Variants in CNTN5 observed in about 807,000 individuals in gnomAD.
The protein encoded by CNTN5 is contactin-5.
CNTN5 carries 77 observed loss-of-function variants against 129.1 expected under a neutral mutation model. The ratio of observed to expected loss-of-function variants is 0.60; its 90% confidence interval spans 0.50 to 0.72. The LOEUF (loss-of-function observed/expected upper bound fraction) is 0.72. Ranked by LOEUF, CNTN5 falls within the 30% of genes least tolerant of loss-of-function variation. The pLI, the probability that CNTN5 is intolerant of heterozygous loss-of-function variation, is 0.00. For missense variants in CNTN5, 1,478 were observed against 1,328.8 expected (o/e 1.11, Z -1.75); for synonymous variants, 509 against 465.6 (o/e 1.09, Z -1.20).
chr11:100,251,595 T>C (rs1949964537), intron 16 of CNTN5, among the ~76,000 whole-genome samples: 1 of 152,038 alleles, frequency 6.6e-6, no homozygotes, highest in African/African-American at 2.4e-5. Flanking sequence ...CTTCCCAGCT[T>C]CTAATGTCCT....
chr11:99,488,606 G>T (rs924816901), intron 2 of CNTN5, among the ~76,000 whole-genome samples: 2 of 152,134 alleles, frequency 1.3e-5, no homozygotes, highest in Non-Finnish European at 2.9e-5. Flanking sequence ...AAAGTTGGGT[G>T]TATCATCACT....
chr11:99,652,508 C>T (rs551289874), intron 3 of CNTN5, among the ~76,000 whole-genome samples: 11 of 151,956 alleles, frequency 7.2e-5, no homozygotes, highest in East Asian at 1.9e-4. Context: ...AGCGGTATTA[C>T]GAAGTACATC....
chr11:99,821,930 G>A (rs904881246), intron 4 of CNTN5, among the ~76,000 whole-genome samples: 1 of 152,158 alleles, frequency 6.6e-6, no homozygotes, highest in Admixed American at 6.6e-5. Context: ...TGGATAATCT[G>A]AGTATTTTCC....
chr11:99,066,751 C>T (rs1865120354), intron 1 of CNTN5, among the ~76,000 whole-genome samples: 1 of 152,152 alleles, frequency 6.6e-6, no homozygotes, highest in South Asian at 2.1e-4. Flanking sequence ...AAATCCAGCA[C>T]TGCATTTATG....
chr11:99,342,402 A>AT (rs1361755565), intron 2 of CNTN5, among the ~76,000 whole-genome samples: 2 of 151,678 alleles, frequency 1.3e-5, no homozygotes, highest in Middle Eastern at 3.4e-3. Flanking sequence ...AAAATTATTT[A>AT]TTTTTTTATA....
chr11:99,819,361 A>G, intron 3 of CNTN5, among the ~76,000 whole-genome samples, 183 bp from the exon 4 acceptor site: 2 of 16,302 alleles, frequency 1.2e-4, no homozygotes, highest in Non-Finnish European at 2.5e-4. Context: ...TATAGCTAGT[A>G]GAATTTTCAG....
At chr11:99,915,837 A>C (rs576925667) in intron 6 of CNTN5, among the ~76,000 whole-genome samples, 3 of 152,320 alleles carry the variant, frequency 2.0e-5, no homozygotes, top group Non-Finnish European at 4.4e-5. Context: ...GTAAATAAAA[A>C]TAAAGAGTGT....
Position 99,694,321 on chromosome 11 carries a change from C to T in CNTN5, c.56-125223C>T, listed in dbSNP as rs535131933. 2.2e-4 allele frequency among the ~76,000 whole-genome samples: 33 copies of T among 152,146 alleles called. No homozygotes were observed. In the South Asian group the frequency reaches 6.4e-3, roughly 30 times the overall value. ...GCCAAAATTATTTATTTAATGTTAT[C>T]TATGGCTGTTCCCACATTTCATTGT... is the stretch of plus-strand genomic sequence containing the variant. On this transcript the variant is annotated intron_variant, in intron 3 of 24. Coordinates refer to ENST00000524871, the MANE Select transcript of CNTN5 (RefSeq NM_014361.4).
chr11:99,784,143 C>G (rs890463661), intron 3 of CNTN5, among the ~76,000 whole-genome samples: 2 of 151,948 alleles, frequency 1.3e-5, no homozygotes, highest in Non-Finnish European at 2.9e-5. Flanking sequence ...AGGTTCAGAA[C>G]TTTTTACTAT....
intron 2 of CNTN5, among the ~76,000 whole-genome samples, chr11:99,375,010 A>G (rs1313246318): frequency 6.6e-6 from 1 of 152,142 alleles, no homozygotes; most frequent in African/African-American, 2.4e-5. Context: ...TCTGAAGAAA[A>G]TGGAGAGCTA....
At chr11:100,142,955 T>C (rs866930891) in intron 13 of CNTN5, among the ~76,000 whole-genome samples, 2 of 152,188 alleles carry the variant, frequency 1.3e-5, no homozygotes, top group South Asian at 4.1e-4. Flanking sequence ...ATGCACCAAA[T>C]TATTTAAAAT....
intron 2 of CNTN5, among the ~76,000 whole-genome samples, chr11:99,536,496 C>A (rs1233055173): frequency 6.6e-6 from 1 of 152,048 alleles, no homozygotes; most frequent in Non-Finnish European, 1.5e-5. Flanking sequence ...TAGCATGTAA[C>A]ATTGAAAACC....
At chr11:100,311,785 T>C (rs2138932363) in intron 21 of CNTN5, among the ~76,000 whole-genome samples, 1 of 152,090 alleles carries the variant, frequency 6.6e-6, no homozygotes, top group Non-Finnish European at 1.5e-5. Context: ...TAAGTAACCT[T>C]GATGAGAGAG....
At chr11:100,307,221 T>C (rs1237443916) in intron 20 of CNTN5, among the ~76,000 whole-genome samples, 1 of 151,604 alleles carries the variant, frequency 6.6e-6, no homozygotes, top group East Asian at 1.9e-4. Flanking sequence ...ATCTTTGCTA[T>C]ATGGTTCCAT....
At chr11:99,531,404 T>A (rs1480877254) in intron 2 of CNTN5, among the ~76,000 whole-genome samples, 2 of 152,342 alleles carry the variant, frequency 1.3e-5, no homozygotes, top group East Asian at 1.9e-4. Flanking sequence ...TCAGAAAATT[T>A]GCAGCCTGAC....
intron 21 of CNTN5, among the ~76,000 whole-genome samples, chr11:100,333,117 C>A (rs757001218): frequency 6.6e-6 from 1 of 152,116 alleles, no homozygotes; most frequent in Non-Finnish European, 1.5e-5. Flanking sequence ...AAGTCAGTAG[C>A]TCTGCTATAT....
chr11:99,695,152 CCA>C (rs1318930524), intron 3 of CNTN5, among the ~76,000 whole-genome samples: 1 of 151,630 alleles, frequency 6.6e-6, no homozygotes, highest in Non-Finnish European at 1.5e-5. Context: ...GAGAGAAATT[CCA>C]GAGTTTAGTA....
chr11:99,760,660 A>G (rs1490149986), intron 3 of CNTN5, among the ~76,000 whole-genome samples: 2 of 152,194 alleles, frequency 1.3e-5, no homozygotes, highest in East Asian at 3.8e-4. Context: ...TATATGCAAA[A>G]TATAGTATTA....
chr11:99,705,134 CG>C (rs1191430299), intron 3 of CNTN5, among the ~76,000 whole-genome samples: 1 of 151,326 alleles, frequency 6.6e-6, no homozygotes, highest in Non-Finnish European at 1.5e-5. Context: ...GAAGTGTATA[CG>C]AATCTCTGTT....
Sources: allele counts gnomAD v4.1 joint callset (sites outside exome capture counted in the v4.1 genomes callset), GRCh38; gene constraint gnomAD v4.1.1; transcripts MANE v1.5; gene names NCBI Gene and HGNC (gene_info 2026-07-23, HGNC 2026-07-21).